The following IQCM variants were observed in gnomAD, a reference collection of about 807,000 sequenced individuals.
IQCM encodes IQ domain-containing protein M.
In IQCM, 45 loss-of-function variants were observed where a neutral mutation model predicts 57.6. The ratio of observed to expected loss-of-function variants is 0.78; its 90% confidence interval spans 0.62 to 1.00. The LOEUF (loss-of-function observed/expected upper bound fraction) is 1.00. IQCM is among the 50% of genes least tolerant of loss of function. IQCM has a pLI of 0.00. For missense variants in IQCM, 468 were observed against 511.6 expected, an observed-to-expected ratio of 0.91 and a Z score of 0.82; for synonymous variants, 148 against 158.9, an observed-to-expected ratio of 0.93 and a Z score of 0.51.
At chr4:149,631,848 A>C (rs1221994176) in intron 7 of IQCM, among the ~76,000 whole-genome samples, 1 of 152,220 alleles carries the variant, frequency 6.6e-6, no homozygotes, top group Non-Finnish European at 1.5e-5. Flanking sequence ...GTGAAACCAG[A>C]CTGGCCACTG....
At chr4:149,686,256 A>C (rs1762539715) in intron 6 of IQCM, 122 bp downstream of exon 6, 1 of 423,886 alleles carries the variant, frequency 2.4e-6, no homozygotes, top group Non-Finnish European at 4.0e-6. Flanking sequence ...GCGGAACAAT[A>C]AATTAGCTTC....
At chr4:149,677,682 C>G (rs1391999402) in intron 7 of IQCM, among the ~76,000 whole-genome samples, 1 of 151,904 alleles carries the variant, frequency 6.6e-6, no homozygotes, top group African/African-American at 2.4e-5. Context: ...GCATACAAAG[C>G]AAAGATTTAG....
intron 5 of IQCM, among the ~76,000 whole-genome samples, chr4:149,716,273 C>T (rs977293645): frequency 1.3e-5 from 2 of 152,230 alleles, no homozygotes; most frequent in African/African-American, 2.4e-5. Flanking sequence ...GAGGCCAAGA[C>T]GGCAGGAGGC....
chr4:149,602,503 C>T (rs1008778397), intron 8 of IQCM, among the ~76,000 whole-genome samples: 18 of 152,108 alleles, frequency 1.2e-4, no homozygotes, highest in Non-Finnish European at 2.1e-4. Context: ...GCTAAAATGT[C>T]CACGGCCAAA....
chr4:149,625,252 A>C (rs191798600), intron 7 of IQCM, among the ~76,000 whole-genome samples: 105 of 152,338 alleles, frequency 6.9e-4, no homozygotes, highest in Non-Finnish European at 1.1e-3. Context: ...TTATAGTACA[A>C]AATGAACAAG....
At chr4:149,671,181 G>T (rs909859608) in intron 7 of IQCM, among the ~76,000 whole-genome samples, 3 of 151,966 alleles carry the variant, frequency 2.0e-5, no homozygotes, top group Non-Finnish European at 4.4e-5. Flanking sequence ...GTCTATTCAG[G>T]GATTCAACTT....
intron 5 of IQCM, among the ~76,000 whole-genome samples, chr4:149,704,088 C>T (rs1405574348): frequency 2.6e-5 from 4 of 151,744 alleles, no homozygotes; most frequent in Admixed American, 6.6e-5. Flanking sequence ...CACCAGCTAC[C>T]CCAATATATG....
chr4:149,512,283 G>A (rs1315587514), intron 12 of IQCM, among the ~76,000 whole-genome samples: 1 of 152,086 alleles, frequency 6.6e-6, no homozygotes, highest in East Asian at 1.9e-4. Flanking sequence ...TGGGAATGGG[G>A]AATAGAAATA....
At chr4:149,623,962 T>G (rs901254730) in intron 7 of IQCM, among the ~76,000 whole-genome samples, 1 of 152,188 alleles carries the variant, frequency 6.6e-6, no homozygotes, top group Non-Finnish European at 1.5e-5. Context: ...ATAAAAAAAT[T>G]TGTTAAATAA....
At position 149,566,267 on chromosome 4, in the gene IQCM, G is replaced by A. The variant is rs541520338; in HGVS notation, c.750-2377C>T. Among the ~76,000 whole-genome samples, 3 of 152,246 alleles carry A rather than the reference G, an allele frequency of 2.0e-5. No individual in the cohort carries two copies. In the South Asian group the frequency reaches 6.2e-4, roughly 32 times the overall value. On this transcript the variant is annotated intron_variant, in intron 9 of 13. Transcript: ENST00000636793. Reference sequence around the variant, plus strand: ...CATCTTTTTCTCATTTCTCTCAGAGGAAATAAGAGGACTGTTATAGAAATA... The same window carrying A: ...CATCTTTTTCTCATTTCTCTCAGAGAAAATAAGAGGACTGTTATAGAAATA...
intron 8 of IQCM, among the ~76,000 whole-genome samples, chr4:149,590,067 AG>A (rs1353706336): frequency 6.6e-6 from 1 of 151,914 alleles, no homozygotes; most frequent in Non-Finnish European, 1.5e-5. Context: ...CTCCATAATA[AG>A]GGGTGGCAAA....
intron 13 of IQCM, among the ~76,000 whole-genome samples, chr4:149,383,953 C>CA (rs1429292039): frequency 2.6e-5 from 4 of 151,000 alleles, no homozygotes; most frequent in Non-Finnish European, 5.9e-5. Context: ...AACTCCATCT[C>CA]AAAAAAAAGA....
chr4:149,462,893 T>A (rs566814628), intron 12 of IQCM, among the ~76,000 whole-genome samples: 1 of 152,156 alleles, frequency 6.6e-6, no homozygotes. Context: ...CTGCAGAGAA[T>A]GATTAGGCAA....
At chr4:149,516,073 C>T (rs1443787840) in intron 12 of IQCM, among the ~76,000 whole-genome samples, 2 of 152,172 alleles carry the variant, frequency 1.3e-5, no homozygotes, top group Non-Finnish European at 1.5e-5. Flanking sequence ...GGCTCAGCAA[C>T]ACAGACTTCT....
At chr4:149,629,558 A>T (rs1335614573) in intron 7 of IQCM, among the ~76,000 whole-genome samples, 1 of 152,076 alleles carries the variant, frequency 6.6e-6, no homozygotes, top group Non-Finnish European at 1.5e-5. Flanking sequence ...AAGCTAGGTG[A>T]CTTAACTAAG....
intron 10 of IQCM, among the ~76,000 whole-genome samples, chr4:149,557,708 C>T (rs1018166643): frequency 2.0e-5 from 3 of 152,166 alleles, no homozygotes; most frequent in Non-Finnish European, 4.4e-5. Context: ...ACACCTTCTT[C>T]TCCTGCAACA....
At chr4:149,661,885 A>T (rs1407191685) in intron 7 of IQCM, among the ~76,000 whole-genome samples, 3 of 151,940 alleles carry the variant, frequency 2.0e-5, no homozygotes, top group Non-Finnish European at 4.4e-5. Flanking sequence ...TATGTTTCTT[A>T]AAAAAGTTCT....
At chr4:149,737,975 G>A (rs1767097604) in intron 3 of IQCM, among the ~76,000 whole-genome samples, 1 of 152,048 alleles carries the variant, frequency 6.6e-6, no homozygotes, top group South Asian at 2.1e-4. Context: ...CACATGACAA[G>A]CAATATAATT....
chr4:149,372,746 A>G (rs2110988818), intron 13 of IQCM, among the ~76,000 whole-genome samples: 1 of 152,150 alleles, frequency 6.6e-6, no homozygotes, highest in Non-Finnish European at 1.5e-5. Context: ...ATTTGTAATC[A>G]TACTCTCAAT....
Sources: allele counts gnomAD v4.1 joint callset (sites outside exome capture counted in the v4.1 genomes callset), GRCh38; gene constraint gnomAD v4.1.1; transcripts MANE v1.5; gene names NCBI Gene and HGNC (gene_info 2026-07-23, HGNC 2026-07-21).